SLC25A21: variants seen among roughly 807,000 people sequenced by gnomAD.
SLC25A21 encodes mitochondrial 2-oxodicarboxylate carrier.
Under a neutral mutation model 43.8 loss-of-function variants are expected in SLC25A21, and 47 were observed. The observed-to-expected ratio is 1.07, with a 90% CI of 0.85 to 1.37. The LOEUF (loss-of-function observed/expected upper bound fraction) is 1.37. Ranked by LOEUF, SLC25A21 falls within the 40% of genes most tolerant of loss-of-function variation. The pLI is 0.00. For missense variants in SLC25A21, 352 were observed against 350.2 expected (o/e 1.00, Z -0.04); for synonymous variants, 131 against 121.3 (o/e 1.08, Z -0.52).
chr14:36,779,746 T>C (rs538230843), intron 3 of SLC25A21, among the ~76,000 whole-genome samples: 51 of 151,080 alleles, frequency 3.4e-4, no homozygotes, highest in African/African-American at 1.2e-3. Flanking sequence ...GTGAATAATG[T>C]TGCAATGAAC....
At chr14:36,903,472 G>T (rs181010569) in intron 1 of SLC25A21, among the ~76,000 whole-genome samples, 1 of 151,906 alleles carries the variant, frequency 6.6e-6, no homozygotes, top group Admixed American at 6.6e-5. Context: ...AATTAGCCAG[G>T]CCTGGTGGTG....
chr14:36,836,667 G>A (rs1889219788), intron 2 of SLC25A21, among the ~76,000 whole-genome samples: 1 of 152,200 alleles, frequency 6.6e-6, no homozygotes, highest in Non-Finnish European at 1.5e-5. Flanking sequence ...GTGGAGGTAG[G>A]CATCAGGGTA....
intron 1 of SLC25A21, among the ~76,000 whole-genome samples, chr14:36,895,481 C>T (rs984899311): frequency 2.6e-5 from 4 of 152,070 alleles, no homozygotes; most frequent in African/African-American, 9.7e-5. Context: ...TTGATCTTTT[C>T]AAAAAACCAG....
At chr14:36,798,323 T>C (rs1887743373) in intron 3 of SLC25A21, among the ~76,000 whole-genome samples, 1 of 152,190 alleles carries the variant, frequency 6.6e-6, no homozygotes, top group African/African-American at 2.4e-5. Flanking sequence ...CTTCATAGTT[T>C]TGGTGGGTTT....
chr14:37,094,156 T>A (rs528070826), intron 1 of SLC25A21, among the ~76,000 whole-genome samples: 156 of 152,260 alleles, frequency 1.0e-3, no homozygotes, highest in Non-Finnish European at 1.6e-3. Flanking sequence ...TGTGAACAAG[T>A]GTGGAGTTTA....
chr14:37,019,708 G>A (rs1594755228), intron 1 of SLC25A21, among the ~76,000 whole-genome samples: 1 of 151,928 alleles, frequency 6.6e-6, no homozygotes, highest in Non-Finnish European at 1.5e-5. Context: ...GACTGCGAGA[G>A]GTATTTGGGG....
chr14:36,912,617 T>TA (rs1891722024), intron 1 of SLC25A21, among the ~76,000 whole-genome samples: 1 of 152,230 alleles, frequency 6.6e-6, no homozygotes, highest in South Asian at 2.1e-4. Context: ...GATAAATCTA[T>TA]AAATCAGTTA....
chr14:36,917,535 T>C (rs1296784047), intron 1 of SLC25A21, among the ~76,000 whole-genome samples: 1 of 152,120 alleles, frequency 6.6e-6, no homozygotes, highest in Non-Finnish European at 1.5e-5. Flanking sequence ...TGTTCATATT[T>C]TTTTCTTCAG....
At chr14:37,029,690 C>T (rs1211119957) in intron 1 of SLC25A21, among the ~76,000 whole-genome samples, 5 of 151,560 alleles carry the variant, frequency 3.3e-5, no homozygotes, top group Non-Finnish European at 7.4e-5. Flanking sequence ...GGGGCACCAA[C>T]ACCCCCACAC....
intron 1 of SLC25A21, among the ~76,000 whole-genome samples, chr14:36,947,420 A>G (rs559714698): frequency 6.6e-6 from 1 of 152,330 alleles, no homozygotes; most frequent in South Asian, 2.1e-4. Flanking sequence ...GTGAATTAAG[A>G]AGACTGGCCT....
intron 3 of SLC25A21, among the ~76,000 whole-genome samples, chr14:36,811,499 T>C (rs1428470997): frequency 6.6e-6 from 1 of 151,756 alleles, no homozygotes; most frequent in African/African-American, 2.4e-5. Context: ...AAAAATAAAA[T>C]AACTAGCCAG....
chr14:37,019,279 T>C (rs1341965720), intron 1 of SLC25A21, among the ~76,000 whole-genome samples: 1 of 151,876 alleles, frequency 6.6e-6, no homozygotes, highest in Non-Finnish European at 1.5e-5. Context: ...GAACTTTGTA[T>C]GTGCTTCTCT....
chr14:36,697,639 G>GAATT lies in SLC25A21; in HGVS notation c.604-12718_604-12715dup, dbSNP rs554937385. On this transcript the variant is annotated intron_variant, in intron 7 of 9. Coordinates refer to ENST00000331299, the MANE Select transcript of SLC25A21 (RefSeq NM_030631.4). The stretch of plus-strand genomic sequence containing the variant: ...CTTAGGATACTTAGCTCTTCTTGTT[G>GAATT]AATTGATCCCTTTACCATTATGTAA... Among the ~76,000 whole-genome samples the GAATT allele has an allele frequency of 5.0e-3, 762 of 152,034 alleles. 16 individuals carry two copies. The highest frequency in any genetic ancestry group is 3.4e-3 in the Middle Eastern group (1 of 294).
chr14:36,681,034 G>T (rs1028648633), intron 9 of SLC25A21, among the ~76,000 whole-genome samples: 1 of 152,026 alleles, frequency 6.6e-6, no homozygotes, highest in African/African-American at 2.4e-5. Flanking sequence ...GTCATGTAAG[G>T]GCATGTGGCT....
intron 3 of SLC25A21, among the ~76,000 whole-genome samples, chr14:36,794,061 T>A (rs1005248300): frequency 1.3e-5 from 2 of 151,446 alleles, no homozygotes; most frequent in Non-Finnish European, 2.9e-5. Flanking sequence ...CAATGGAAAA[T>A]ACATAGTTAA....
chr14:36,906,526 A>G (rs1460395148), intron 1 of SLC25A21, among the ~76,000 whole-genome samples: 12 of 144,496 alleles, frequency 8.3e-5, no homozygotes, highest in Non-Finnish European at 1.5e-5. Flanking sequence ...TTTTTTTTTT[A>G]GATGGAGTCT....
chr14:36,734,417 T>TAC, intron 4 of SLC25A21, 90 bp downstream of exon 4: 1 of 909,284 alleles, frequency 1.1e-6, no homozygotes, highest in African/African-American at 2.4e-5. Context: ...GTGCTTTATA[T>TAC]ATAATTCATT....
At chr14:37,144,836 T>C (rs1963632733) in intron 1 of SLC25A21, among the ~76,000 whole-genome samples, 1 of 152,164 alleles carries the variant, frequency 6.6e-6, no homozygotes, top group Admixed American at 6.6e-5. Context: ...TTTCACCATA[T>C]TGCCCATGCT....
rs796899524 is a variant in SLC25A21 at position 36,926,258 on chromosome 14, T to C, written c.71-51254A>G. ...GAAATCACGGAACACAGTTTAAAAT[T>C]AGTCATGTCCAAAGAATAAATCATA... On this transcript the variant is annotated intron_variant, in intron 1 of 9. Transcript: ENST00000331299. Among the ~76,000 whole-genome samples the C allele has an allele frequency of 2.0e-5, 3 of 152,246 alleles. No homozygotes were observed. The South Asian group carries it at 6.2e-4, about 32-fold the overall frequency.
Sources: gnomAD v4.1 joint callset for allele counts (sites outside exome capture counted in the v4.1 genomes callset) on GRCh38, gnomAD v4.1.1 for gene constraint, MANE v1.5 for transcripts, NCBI Gene and HGNC (gene_info 2026-07-23, HGNC 2026-07-21) for gene names.